FOXB1: variants seen among roughly 807,000 people sequenced by gnomAD.
FOXB1 encodes forkhead box B1, also known as forkhead box protein B1.
Under a neutral mutation model 18.6 loss-of-function variants are expected in FOXB1, and 6 were observed. The ratio of observed to expected loss-of-function variants is 0.32; its 90% CI spans 0.18 to 0.64. The LOEUF (loss-of-function observed/expected upper bound fraction) is 0.64, where lower values mean the gene tolerates loss of function less well. FOXB1 is among the 30% of genes least tolerant of loss of function. The probability of loss-of-function intolerance (pLI) is 0.78; values close to 1 mark genes in which losing one functional copy is unlikely to be tolerated. For synonymous variants in FOXB1, 213 were observed against 216.0 expected (o/e 0.99, Z 0.12); for missense variants, 419 against 463.6 (o/e 0.90, Z 0.88).
In FOXB1 at chr15:60,006,142, G is replaced by A. The variant is rs902488020; in HGVS notation, c.*201G>A. On this transcript the variant is annotated 3_prime_UTR_variant, in exon 2 of 2. Transcript: ENST00000396057. ...AACTTGCAGATGGGCCGAGAGGCGC[G>A]TGGGAGTTGTCCTCGCCCCCACATC... 4.6e-6 allele frequency: 3 copies of A among 655,546 alleles called. No individual in the cohort carries two copies. Among genetic ancestry groups the A allele is most frequent in the South Asian group, 4.3e-5 (2 of 46,030 alleles). The allele number at this position is 655,546 out of a possible 1,614,324, so 40.6% of individuals were successfully genotyped here.
Position 60,005,986 on chromosome 15 carries a change from C to G in FOXB1, c.*45C>G, listed in dbSNP as rs770685026. ...CCTCTCGTTCTCCTCCCCACCACCTCACTCGCCTTCCCTGGCTCCCAGTCC... is the reference window on the plus strand; with the variant it reads ...CCTCTCGTTCTCCTCCCCACCACCTGACTCGCCTTCCCTGGCTCCCAGTCC... On this transcript the variant is annotated 3_prime_UTR_variant, in exon 2 of 2. Transcript: ENST00000396057. The surrounding 1 kb of genome is among the most constrained non-coding windows in gnomAD (Gnocchi z 9.8). 2.0e-6 allele frequency: 3 copies of G among 1,515,672 alleles called. No homozygotes were observed. In the Admixed American group the frequency reaches 5.7e-5, roughly 29 times the overall value. The allele number at this position is 1,515,672 out of a possible 1,614,324, so 93.9% of individuals were successfully genotyped here. A position where few individuals can be genotyped will look rare whatever the true frequency, so the allele number is the denominator to read the frequency against.
Position 60,004,887 on chromosome 15 carries a change from A to T in FOXB1, c.-57-20A>T. On this transcript the variant is annotated intron_variant, in intron 1 of 1. Coordinates refer to ENST00000396057, the MANE Select transcript of FOXB1 (RefSeq NM_012182.3). ...CTGTGCATCCATGCTACCTTTCCCT[A>T]TTACCCACCCCCTTCCCAGATCCGA... The T allele has an allele frequency of 7.1e-7, 1 of 1,412,554 alleles. No individual in the cohort carries two copies. Among genetic ancestry groups the T allele is most frequent in the Non-Finnish European group, 9.4e-7 (1 of 1,067,528 alleles). The allele number at this position is 1,412,554 out of a possible 1,614,324, so 87.5% of individuals were successfully genotyped here.
intron 1 of FOXB1, 92 bp downstream of exon 1, chr15:60,004,735 C>T (rs1892069296): frequency 3.5e-6 from 2 of 573,914 alleles, no homozygotes; most frequent in Non-Finnish European, 3.1e-6. Flanking sequence ...CCGGCTTCCC[C>T]TCCCGCGCCC....
At position 60,005,573 on chromosome 15, in the gene FOXB1, T is replaced by A. The variant is rs745465683; in HGVS notation, c.610T>A (p.Leu204Met). The change falls in exon 2 of 2, where the codon TTG becomes ATG. Residue 204 changes from leucine (L) to methionine (M), a missense_variant. Physicochemically the swap from Leu to Met is conservative, Grantham distance 15. Around this residue, in one of 3 missense-constraint regions of FOXB1, gnomAD observed 195 missense variants for 179.8 expected, o/e 1.08. Coordinates refer to ENST00000396057, the MANE Select transcript of FOXB1 (RefSeq NM_012182.3). The surrounding 1 kb of genome is among the most constrained non-coding windows in gnomAD (Gnocchi z 9.8). ...CGCTGCCTACCCGCTCCCCAACCAG[T>A]TGACTACCATGGGCAGCTCGCTGGG... Reference protein sequence around the residue: ...VPAAYPLPNQLTTMGSSLGTG... With the variant: ...VPAAYPLPNQMTTMGSSLGTG... 1 of 1,609,370 alleles carries A rather than the reference T, an allele frequency of 6.2e-7. No homozygotes were observed. Among genetic ancestry groups the A allele is most frequent in the African/African-American group, 1.3e-5 (1 of 75,006 alleles).
rs199935228 is a variant in FOXB1 at position 60,006,369 on chromosome 15, C to G, written c.*428C>G. The stretch of plus-strand genomic sequence containing the variant: ...GCCTCAGATGTTTCCAGGAACAGAT[C>G]CCCCCCACACCCCCTCCCCGCGAGG... On this transcript the variant is annotated 3_prime_UTR_variant, in exon 2 of 2. Coordinates refer to ENST00000396057, the MANE Select transcript of FOXB1 (RefSeq NM_012182.3). 6.1e-6 allele frequency: 1 copy of G among 163,716 alleles called. No homozygotes were observed. Among genetic ancestry groups the G allele is most frequent in the Non-Finnish European group, 1.3e-5 (1 of 76,996 alleles). 10.1% of individuals were successfully genotyped at this position (163,716 alleles called of 1,614,324 possible).
Position 60,004,936 on chromosome 15 carries a change from C to T in FOXB1, c.-28C>T. On this transcript the variant is annotated 5_prime_UTR_variant, in exon 2 of 2. Transcript: ENST00000396057. ...GAGCAGTCCGCCGGCCCGCGCGGAC[C>T]CAGAGCAAGAAGAGGGCGAGGAAGA... The T allele has an allele frequency of 3.1e-6, 5 of 1,593,866 alleles. No homozygotes were observed. The highest frequency in any genetic ancestry group is 4.3e-6 in the Non-Finnish European group (5 of 1,169,268).
In FOXB1 at chr15:60,005,592, C is replaced by T. The variant is rs1421075931; in HGVS notation, c.629C>T (p.Ser210Leu). ...AACCAGTTGACTACCATGGGCAGCT[C>T]GCTGGGCACCGGCTGGCCACACGTG... Reference protein sequence around the residue: ...LPNQLTTMGSSLGTGWPHVYG... With the variant: ...LPNQLTTMGSLLGTGWPHVYG... Residue 210 changes from serine (S) to leucine (L), a missense_variant, in exon 2 of 2, where the codon TCG becomes TTG. Ser to Leu is a moderately radical substitution (Grantham distance 145, BLOSUM62 -2). Coordinates refer to ENST00000396057, the MANE Select transcript of FOXB1 (RefSeq NM_012182.3). This position sits in a 1 kb window ranked among gnomAD's most constrained non-coding sequence, Gnocchi z 9.8. 1 of 1,607,312 alleles carries T rather than the reference C, an allele frequency of 6.2e-7. No homozygotes were observed. Among genetic ancestry groups the T allele is most frequent in the Non-Finnish European group, 8.5e-7 (1 of 1,177,816 alleles).
Position 60,004,918 on chromosome 15 carries a change from C to T in FOXB1, c.-46C>T, listed in dbSNP as rs945882764. The T allele has an allele frequency of 6.3e-7, 1 of 1,575,972 alleles. No individual in the cohort carries two copies. The highest frequency in any genetic ancestry group is 8.6e-7 in the Non-Finnish European group (1 of 1,161,398). On this transcript the variant is annotated 5_prime_UTR_variant, in exon 2 of 2. Transcript: ENST00000396057. ...CACCCCCTTCCCAGATCCGAGCAGTCCGCCGGCCCGCGCGGACCCAGAGCA... is the reference window on the plus strand; with the variant it reads ...CACCCCCTTCCCAGATCCGAGCAGTTCGCCGGCCCGCGCGGACCCAGAGCA...
chr15:60,005,274 G>C lies in FOXB1; in HGVS notation c.311G>C (p.Arg104Pro). 1 of 1,613,662 alleles carries C rather than the reference G, an allele frequency of 6.2e-7. No individual in the cohort carries two copies. The highest frequency in any genetic ancestry group is 8.5e-7 in the Non-Finnish European group (1 of 1,179,942). Residue 104 changes from arginine to proline, a missense_variant, in exon 2 of 2, where the codon CGG becomes CCG. This residue lies in a region of FOXB1 where 153 missense variants were observed against 173.8 expected (regional missense o/e 0.88). Coordinates refer to ENST00000396057, the MANE Select transcript of FOXB1 (RefSeq NM_012182.3). This position sits in a 1 kb window ranked among gnomAD's most constrained non-coding sequence, Gnocchi z 9.8. The part of the protein sequence containing the change: ...GDMFENGSFL[R>P]RRKRFKVLKS... ...ATGTTCGAGAACGGCAGCTTCCTGC[G>C]GCGCCGCAAGCGCTTCAAGGTGCTT...
At chr15:60,004,859 T>C in intron 1 of FOXB1, 48 bp from the exon 2 acceptor site, 2 of 823,804 alleles carry the variant, frequency 2.4e-6, no homozygotes, top group Non-Finnish European at 3.2e-6. Context: ...CCCGCCGGTG[T>C]CTCTGTGCAT....
rs924088044 is a variant in FOXB1, at chr15:60,006,820, T to C, written c.*879T>C. 5 of 151,770 alleles carry C rather than the reference T, an allele frequency of 3.3e-5. No homozygotes were observed. The highest frequency in any genetic ancestry group is 6.6e-5 in the Admixed American group (1 of 15,244). The allele number at this position is 151,770 out of a possible 1,614,324, so 9.4% of individuals were successfully genotyped here. A position where few individuals can be genotyped will look rare whatever the true frequency, so the allele number is the denominator to read the frequency against. On this transcript the variant is annotated 3_prime_UTR_variant, in exon 2 of 2. Coordinates refer to ENST00000396057, the MANE Select transcript of FOXB1 (RefSeq NM_012182.3). ...GTTTACTCTTCATTTCTGGCCAGGT[T>C]TAGAAAGGGAGGGAAGTGGGGATGG...
At position 60,007,358 on chromosome 15, in the gene FOXB1, AAC is replaced by A. The variant is rs894067011; in HGVS notation, c.*1419_*1420del. 4 of 152,196 alleles carry A rather than the reference AAC, an allele frequency of 2.6e-5. No individual in the cohort carries two copies. The highest frequency in any genetic ancestry group is 5.9e-5 in the Non-Finnish European group (4 of 68,028). 9.4% of individuals were successfully genotyped at this position (152,196 alleles called of 1,614,324 possible). A position where few individuals can be genotyped will look rare whatever the true frequency, so the allele number is the denominator to read the frequency against. ...CTTGTTCCCAGCATGCCTGTTTTAA[AAC>A]AAAGGATTTAAAAAAAAAGGGTGTC... On this transcript the variant is annotated 3_prime_UTR_variant, in exon 2 of 2. Coordinates refer to ENST00000396057, the MANE Select transcript of FOXB1 (RefSeq NM_012182.3).
Position 60,005,774 on chromosome 15 carries a change from C to G in FOXB1, c.811C>G (p.Pro271Ala). The G allele has an allele frequency of 6.2e-7, 1 of 1,602,434 alleles. No homozygotes were observed. The change falls in exon 2 of 2, where the codon CCC (proline) becomes GCC (alanine). Residue 271 changes from proline (P) to alanine (A), a missense_variant. Transcript: ENST00000396057. The surrounding 1 kb of genome is among the most constrained non-coding windows in gnomAD (Gnocchi z 9.8). ...CATTAAGCCCACGCCGGCCGCCGTG[C>G]CCGCGCTGCCTGCGCTGCCAGCGCC... ...VPIKPTPAAV[P>A]ALPALPAPIP...
chr15:60,004,860 C>G, intron 1 of FOXB1, 47 bp from the exon 2 acceptor site: 2 of 981,050 alleles, frequency 2.0e-6, no homozygotes, highest in Admixed American at 3.6e-5. Context: ...CCGCCGGTGT[C>G]TCTGTGCATC....
Position 60,004,629 on chromosome 15 carries a change from T to C in FOXB1, c.-72T>C. On this transcript the variant is annotated 5_prime_UTR_variant, in exon 1 of 2. Coordinates refer to ENST00000396057, the MANE Select transcript of FOXB1 (RefSeq NM_012182.3). ...TCCTCCCGGATGCGGACGCGCAACT[T>C]GAAGCAACTTTAAGGTGAGCAGCTC... 4.5e-6 allele frequency: 1 copy of C among 222,480 alleles called. No individual in the cohort carries two copies. Among genetic ancestry groups the C allele is most frequent in the Non-Finnish European group, 8.8e-6 (1 of 113,850 alleles). The allele number at this position is 222,480 out of a possible 1,614,324, so 13.8% of individuals were successfully genotyped here.
chr15:60,006,260 C>G lies in FOXB1; in HGVS notation c.*319C>G, dbSNP rs919024551. Reference sequence around the variant, plus strand: ...ACCGGCGGGGGAAACCCTGTCACCCCCTCTTCGCCGAGAAAAGCGCGTCTT... The same window carrying G: ...ACCGGCGGGGGAAACCCTGTCACCCGCTCTTCGCCGAGAAAAGCGCGTCTT... On this transcript the variant is annotated 3_prime_UTR_variant, in exon 2 of 2. Transcript: ENST00000396057. 13 of 404,724 alleles carry G rather than the reference C, an allele frequency of 3.2e-5. No homozygotes were observed. The highest frequency in any genetic ancestry group is 4.8e-5 in the Non-Finnish European group (11 of 228,168). The allele number at this position is 404,724 out of a possible 1,614,324, so 25.1% of individuals were successfully genotyped here. A position where few individuals can be genotyped will look rare whatever the true frequency, so the allele number is the denominator to read the frequency against.
Position 60,007,161 on chromosome 15 carries a change from G to C in FOXB1, c.*1220G>C, listed in dbSNP as rs1018197078. On this transcript the variant is annotated 3_prime_UTR_variant, in exon 2 of 2. Transcript: ENST00000396057. Reference sequence around the variant, plus strand: ...CACTGTGTAAAATGCACTTTTGTTTGCTGTATTCCTTTAGAATCTTAGATA... The same window carrying C: ...CACTGTGTAAAATGCACTTTTGTTTCCTGTATTCCTTTAGAATCTTAGATA... 1 of 151,864 alleles carries C rather than the reference G, an allele frequency of 6.6e-6. No homozygotes were observed. The highest frequency in any genetic ancestry group is 1.5e-5 in the Non-Finnish European group (1 of 67,986). 9.4% of individuals were successfully genotyped at this position (151,864 alleles called of 1,614,324 possible).
chr15:60,004,952 G>A lies in FOXB1; in HGVS notation c.-12G>A. On this transcript the variant is annotated 5_prime_UTR_variant, in exon 2 of 2. Coordinates refer to ENST00000396057, the MANE Select transcript of FOXB1 (RefSeq NM_012182.3). ...CGCGCGGACCCAGAGCAAGAAGAGGGCGAGGAAGAAGATGCCTCGGCCCGG... is the reference window on the plus strand; with the variant it reads ...CGCGCGGACCCAGAGCAAGAAGAGGACGAGGAAGAAGATGCCTCGGCCCGG... The A allele has an allele frequency of 7.5e-6, 12 of 1,605,276 alleles. No individual in the cohort carries two copies. Among genetic ancestry groups the A allele is most frequent in the Non-Finnish European group, 1.0e-5 (12 of 1,175,104 alleles).
At position 60,006,022 on chromosome 15, in the gene FOXB1, C is replaced by T; in HGVS notation, c.*81C>T. ...CCTGGCTCCCAGTCCTGCCGGCCCC[C>T]ACCTGGGACCGCCACCCTAACTTGT... On this transcript the variant is annotated 3_prime_UTR_variant, in exon 2 of 2. Transcript: ENST00000396057. 2 of 1,431,596 alleles carry T rather than the reference C, an allele frequency of 1.4e-6. No homozygotes were observed. Among genetic ancestry groups the T allele is most frequent in the Admixed American group, 2.4e-5 (1 of 41,056 alleles). 88.7% of individuals were successfully genotyped at this position (1,431,596 alleles called of 1,614,324 possible).
Sources: gnomAD v4.1 joint callset for allele counts on GRCh38, gnomAD v4.1.1 for gene constraint, gnomAD v4.1.1 regional missense constraint, Gnocchi (gnomAD v3.1) non-coding constraint, MANE v1.5 for transcripts, NCBI Gene and HGNC (gene_info 2026-07-23, HGNC 2026-07-21) for gene names.